TRAPPC9: variants seen among roughly 807,000 people sequenced by gnomAD.
TRAPPC9 encodes trafficking protein particle complex subunit 9, also known as IKK2 binding protein.
In TRAPPC9, 83 loss-of-function variants were observed where a neutral mutation model predicts 124.0. The observed-to-expected ratio is 0.67, with a 90% CI of 0.56 to 0.80. The LOEUF is 0.80. Among genes scored for constraint, TRAPPC9 ranks in the 30% least tolerant of loss-of-function variants. The pLI is 0.00. For synonymous variants in TRAPPC9, 638 were observed against 617.5 expected, an observed-to-expected ratio of 1.03 and a Z score of -0.49; for missense variants, 1,302 against 1,508.3, an observed-to-expected ratio of 0.86 and a Z score of 2.27.
chr8:139,763,124 C>G (rs1820352369), intron 21 of TRAPPC9, among the ~76,000 whole-genome samples: 1 of 152,212 alleles, frequency 6.6e-6, no homozygotes, highest in Non-Finnish European at 1.5e-5. Flanking sequence ...TAACCAGGTG[C>G]TAGATACAGC....
rs1365932683 is a variant in TRAPPC9 at position 140,449,605 on chromosome 8, CA to C, written c.584+1184del. The stretch of plus-strand genomic sequence containing the variant: ...CAACACTCCTTGTACACAGAGAGAA[CA>C]GACATACTTTTCATTTGTATACGGT... On this transcript the variant is annotated intron_variant, in intron 2 of 22. Transcript: ENST00000438773. Among the ~76,000 whole-genome samples the C allele has an allele frequency of 8.5e-5, 13 of 152,234 alleles. No homozygotes were observed. In the East Asian group the frequency reaches 2.5e-3, roughly 29 times the overall value.
chr8:139,896,356 T>G (rs1830668329), intron 20 of TRAPPC9, among the ~76,000 whole-genome samples: 1 of 152,228 alleles, frequency 6.6e-6, no homozygotes, highest in Non-Finnish European at 1.5e-5. Context: ...CTATCATTAT[T>G]GCCACTATAG....
chr8:140,344,483 C>T (rs185352376), intron 9 of TRAPPC9, among the ~76,000 whole-genome samples: 41 of 152,242 alleles, frequency 2.7e-4, no homozygotes, highest in Non-Finnish European at 4.9e-4. Context: ...ACAGAGACTG[C>T]GCAGGACGGT....
intron 17 of TRAPPC9, among the ~76,000 whole-genome samples, chr8:140,218,321 G>A (rs2063250870): frequency 6.6e-6 from 1 of 152,126 alleles, no homozygotes; most frequent in Non-Finnish European, 1.5e-5. Flanking sequence ...GAATTGCTTA[G>A]TGGGAAGCTT....
intron 18 of TRAPPC9, among the ~76,000 whole-genome samples, chr8:140,023,634 AGGCTG>A (rs1839945500): frequency 6.6e-6 from 1 of 152,244 alleles, no homozygotes; most frequent in African/African-American, 2.4e-5. Flanking sequence ...CAGCCAGGCC[AGGCTG>A]GGCGGGAAAT....
intron 7 of TRAPPC9, among the ~76,000 whole-genome samples, chr8:140,394,670 C>A (rs2069034770): frequency 7.3e-6 from 1 of 136,630 alleles, no homozygotes; most frequent in African/African-American, 2.5e-5. Context: ...CCTCAGCCTG[C>A]GTTGGGGCCT....
intron 21 of TRAPPC9, among the ~76,000 whole-genome samples, chr8:139,870,124 T>C (rs577604234): frequency 1.3e-5 from 2 of 152,140 alleles, no homozygotes; most frequent in African/African-American, 4.8e-5. Flanking sequence ...CAGAAGAGAG[T>C]CCAACAATTT....
At chr8:139,996,618 A>C (rs1338901700) in intron 18 of TRAPPC9, among the ~76,000 whole-genome samples, 1 of 152,252 alleles carries the variant, frequency 6.6e-6, no homozygotes, top group Admixed American at 6.5e-5. Flanking sequence ...GAAACAAAGA[A>C]GAAAATAACA....
intron 17 of TRAPPC9, among the ~76,000 whole-genome samples, chr8:140,044,860 G>A (rs1346919815): frequency 6.6e-6 from 1 of 152,156 alleles, no homozygotes; most frequent in African/African-American, 2.4e-5. Context: ...CACCTAAGAT[G>A]CATTCACTCT....
At chr8:139,999,931 C>T (rs568859930) in intron 18 of TRAPPC9, among the ~76,000 whole-genome samples, 1 of 152,250 alleles carries the variant, frequency 6.6e-6, no homozygotes, top group Non-Finnish European at 1.5e-5. Context: ...AGAGAAAAAT[C>T]CATATCATTA....
intron 18 of TRAPPC9, among the ~76,000 whole-genome samples, chr8:139,997,530 TGCATCCTACACAGAAGAG>T (rs1838093949): frequency 8.8e-6 from 1 of 113,802 alleles, no homozygotes; most frequent in African/African-American, 3.0e-5. Context: ...GGGGAGACAA[TGCATCCTACACAGAAGAG>T]ACAACGCATC....
chr8:140,250,899 G>T (rs1410594878), intron 16 of TRAPPC9, among the ~76,000 whole-genome samples: 1 of 152,166 alleles, frequency 6.6e-6, no homozygotes, highest in African/African-American at 2.4e-5. Context: ...TTAAAAGATA[G>T]AAGAAGGTAT....
intron 17 of TRAPPC9, among the ~76,000 whole-genome samples, chr8:140,070,575 C>G (rs1386356707): frequency 6.6e-6 from 1 of 152,120 alleles, no homozygotes; most frequent in Non-Finnish European, 1.5e-5. Flanking sequence ...TGTTCTTGCT[C>G]CATAATTAGA....
At chr8:140,221,917 C>G (rs953748122) in intron 16 of TRAPPC9, among the ~76,000 whole-genome samples, 2 of 152,210 alleles carry the variant, frequency 1.3e-5, no homozygotes, top group African/African-American at 4.8e-5. Flanking sequence ...AAGGAGCATG[C>G]CAGTTTCTGT....
At chr8:140,114,026 C>A (rs1226410533) in intron 17 of TRAPPC9, among the ~76,000 whole-genome samples, 2 of 152,200 alleles carry the variant, frequency 1.3e-5, no homozygotes, top group Non-Finnish European at 2.9e-5. Context: ...TCCATAATCC[C>A]TCCCTAAGCC....
intron 7 of TRAPPC9, among the ~76,000 whole-genome samples, chr8:140,380,654 C>CAAAAAAAAAAAAAAAAAAAAAAAAAA: frequency 2.1e-5 from 1 of 48,590 alleles, no homozygotes; most frequent in Non-Finnish European, 4.4e-5. Context: ...GACTCTGTCT[C>CAAAAAAAAAAAAAAAAAAAAAAAAAA]AAAAAAAAAA....
chr8:140,031,614 A>T (rs1185374647), intron 17 of TRAPPC9, among the ~76,000 whole-genome samples: 1 of 152,254 alleles, frequency 6.6e-6, no homozygotes, highest in East Asian at 1.9e-4. Flanking sequence ...CTCATTCCCC[A>T]AGAGACCAGC....
chr8:139,976,398 C>T (rs1047574761), intron 19 of TRAPPC9, among the ~76,000 whole-genome samples: 4 of 152,198 alleles, frequency 2.6e-5, no homozygotes, highest in African/African-American at 9.7e-5. Flanking sequence ...ACCAAAGGTA[C>T]AGCCTATGTT....
At chr8:140,291,553 C>T (rs1304510351) in intron 11 of TRAPPC9, among the ~76,000 whole-genome samples, 2 of 152,262 alleles carry the variant, frequency 1.3e-5, no homozygotes, top group Non-Finnish European at 2.9e-5. Context: ...GGGCAGAATT[C>T]TGACGACCTC....
Sources: allele counts gnomAD v4.1 joint callset (sites outside exome capture counted in the v4.1 genomes callset), GRCh38; gene constraint gnomAD v4.1.1; transcripts MANE v1.5; gene names NCBI Gene and HGNC (gene_info 2026-07-23, HGNC 2026-07-21).